Variants in AGTPBP1 observed in about 807,000 individuals in gnomAD.
AGTPBP1 encodes the protein ATP/GTP binding carboxypeptidase 1, also known as cytosolic carboxypeptidase 1.
In AGTPBP1, 70 loss-of-function variants were observed where a neutral mutation model predicts 143.9. That is an observed-to-expected ratio of 0.49 (90% CI 0.40 to 0.59). The LOEUF is 0.59. AGTPBP1 is among the 20% of genes least tolerant of loss of function. The pLI is 0.00. For synonymous variants in AGTPBP1, 463 were observed against 500.2 expected, an observed-to-expected ratio of 0.93 and a Z score of 0.99; for missense variants, 1,229 against 1,464.5, an observed-to-expected ratio of 0.84 and a Z score of 2.62.
chr9:85,604,739 GAGA>G (rs942287880), intron 17 of AGTPBP1, among the ~76,000 whole-genome samples: 13 of 152,284 alleles, frequency 8.5e-5, no homozygotes, highest in African/African-American at 3.1e-4. Context: ...AGAGAACAGA[GAGA>G]AGGATTTCAG....
chr9:85,693,144 T>G (rs1315862281), intron 2 of AGTPBP1, among the ~76,000 whole-genome samples: 1 of 152,144 alleles, frequency 6.6e-6, no homozygotes, highest in Non-Finnish European at 1.5e-5. Context: ...TCCTCAAAAC[T>G]CTGATAATCC....
the AGTPBP1 span, among the ~76,000 whole-genome samples, chr9:85,767,009 CTTTT>C: frequency 7.8e-6 from 1 of 128,660 alleles, no homozygotes; most frequent in Non-Finnish European, 1.7e-5. Context: ...GGTCACACCG[CTTTT>C]TTTTTTTTTT....
At chr9:85,636,478 TC>T (rs975917325) in intron 13 of AGTPBP1, among the ~76,000 whole-genome samples, 1 of 152,024 alleles carries the variant, frequency 6.6e-6, no homozygotes, top group Non-Finnish European at 1.5e-5. Context: ...GGCCATGGTC[TC>T]GATCTCCTGA....
chr9:85,724,501 T>C (rs1402910227), intron 1 of AGTPBP1, among the ~76,000 whole-genome samples: 1 of 152,162 alleles, frequency 6.6e-6, no homozygotes, highest in African/African-American at 2.4e-5. Context: ...ATATGCCACA[T>C]CATAACACAT....
At chr9:85,583,507 C>T (rs565763682) in intron 23 of AGTPBP1, among the ~76,000 whole-genome samples, 1 of 152,048 alleles carries the variant, frequency 6.6e-6, no homozygotes, top group Non-Finnish European at 1.5e-5. Context: ...CTGTTAACAT[C>T]TTGAGAAATG....
intron 8 of AGTPBP1, among the ~76,000 whole-genome samples, chr9:85,661,585 C>T (rs62569188): frequency 0.017 from 2,538 of 152,172 alleles, 24 homozygotes; most frequent in Middle Eastern, 0.054. Context: ...AAAACTCTTA[C>T]TGTCCCTTAG....
the AGTPBP1 span, among the ~76,000 whole-genome samples, chr9:85,780,967 A>G: frequency 6.6e-6 from 1 of 152,106 alleles, no homozygotes; most frequent in East Asian, 1.9e-4. Flanking sequence ...ATACAAAAAA[A>G]TTAGCCGGGC....
chr9:85,702,319 A>G (rs925977447), intron 2 of AGTPBP1, among the ~76,000 whole-genome samples: 1 of 152,144 alleles, frequency 6.6e-6, no homozygotes, highest in Admixed American at 6.5e-5. Flanking sequence ...CAATCTCTTT[A>G]ATCATTTGTT....
At chr9:85,709,975 A>G (rs1218272677) in intron 2 of AGTPBP1, among the ~76,000 whole-genome samples, 1 of 152,158 alleles carries the variant, frequency 6.6e-6, no homozygotes, top group Non-Finnish European at 1.5e-5. Flanking sequence ...TGAATATTCT[A>G]CCAACCCTCA....
At chr9:85,775,165 G>A in the AGTPBP1 span, among the ~76,000 whole-genome samples, 7 of 152,050 alleles carry the variant, frequency 4.6e-5, no homozygotes, top group Admixed American at 6.6e-5. Flanking sequence ...CTAGCCAAGC[G>A]TGGTGGCACG....
the AGTPBP1 span, among the ~76,000 whole-genome samples, chr9:85,766,667 A>C: frequency 1.3e-5 from 2 of 152,054 alleles, no homozygotes; most frequent in African/African-American, 2.4e-5. Flanking sequence ...ATGAGCTTCT[A>C]TGCACCTTTC....
At chr9:85,615,589 T>TC (rs1830560396) in intron 17 of AGTPBP1, among the ~76,000 whole-genome samples, 1 of 152,038 alleles carries the variant, frequency 6.6e-6, no homozygotes, top group Non-Finnish European at 1.5e-5. Flanking sequence ...CATACTATAA[T>TC]CCCAAATCTG....
At chr9:85,734,792 G>C (rs2134778544) in intron 1 of AGTPBP1, among the ~76,000 whole-genome samples, 1 of 152,278 alleles carries the variant, frequency 6.6e-6, no homozygotes, top group Non-Finnish European at 1.5e-5. Context: ...GGTCTTCCAT[G>C]GGAGGCCGAG....
chr9:85,659,467 C>T (rs974976491), intron 9 of AGTPBP1, among the ~76,000 whole-genome samples: 4 of 152,058 alleles, frequency 2.6e-5, no homozygotes, highest in African/African-American at 9.7e-5. Flanking sequence ...TCTGAAAATA[C>T]ATTAAATATA....
chr9:85,668,481 A>T (rs1564124067), intron 8 of AGTPBP1, among the ~76,000 whole-genome samples: 2 of 151,992 alleles, frequency 1.3e-5, no homozygotes, highest in African/African-American at 2.4e-5. Flanking sequence ...AAAAGAAATT[A>T]ATAATTTTGT....
chr9:85,589,556 A>G lies in AGTPBP1; in HGVS notation c.2694T>C (p.Ser898=), dbSNP rs752319543. ...AATGGCAGATATGTTCATAATAATT[A>G]GACTCTGGCATTGCTGTTATAGTCA... The part of the protein sequence containing the change: ...PLVTITAMPE[S]NYYEHICHFR... The change falls in exon 20 of 26, where the codon TCT becomes TCC. Residue 898 remains serine (S), a synonymous_variant. Coordinates refer to ENST00000357081, the MANE Select transcript of AGTPBP1 (RefSeq NM_001330701.2). 2.0e-5 allele frequency: 33 copies of G among 1,611,302 alleles called. No individual in the cohort carries two copies. Among genetic ancestry groups the G allele is most frequent in the Non-Finnish European group, 2.3e-5 (27 of 1,179,062 alleles).
At chr9:85,743,916 CTT>C (rs1564207896), upstream of AGTPBP1, among the ~76,000 whole-genome samples, 88 of 121,682 alleles carry the variant, frequency 7.2e-4, 1 homozygote, top group Admixed American at 2.0e-3. Context: ...TTTTCTTTTT[CTT>C]TTTCTTTCTT....
chr9:85,752,758 G>A, the AGTPBP1 span, among the ~76,000 whole-genome samples: 2 of 152,148 alleles, frequency 1.3e-5, no homozygotes, highest in Non-Finnish European at 2.9e-5. Context: ...TGTAATGCCA[G>A]AACTTTAGGA....
chr9:85,701,364 G>C (rs1037420507), intron 2 of AGTPBP1, among the ~76,000 whole-genome samples: 3 of 151,562 alleles, frequency 2.0e-5, no homozygotes, highest in African/African-American at 7.3e-5. Flanking sequence ...CGAGTAGCTA[G>C]GATTACAGGC....
Sources: allele counts gnomAD v4.1 joint callset (sites outside exome capture counted in the v4.1 genomes callset), GRCh38; gene constraint gnomAD v4.1.1; transcripts MANE v1.5; gene names NCBI Gene and HGNC (gene_info 2026-07-23, HGNC 2026-07-21).